The following MIER3 variants were observed in gnomAD, a reference collection of about 807,000 sequenced individuals.
MIER3 encodes MIER family member 3.
Under a neutral mutation model 63.2 loss-of-function variants are expected in MIER3, and 9 were observed. The observed-to-expected ratio is 0.14, with a 90% CI of 0.09 to 0.25. The LOEUF is 0.25. Among genes scored for constraint, MIER3 ranks in the 10% least tolerant of loss-of-function variants. The pLI is 1.00. For synonymous variants in MIER3, 205 were observed against 224.9 expected (o/e 0.91, Z 0.79); for missense variants, 512 against 666.2 (o/e 0.77, Z 2.55).
chr5:56,922,993 A>G lies in MIER3; in HGVS notation c.*135T>C, dbSNP rs1749744621. 7 of 660,308 alleles carry G rather than the reference A, an allele frequency of 1.1e-5. No individual in the cohort carries two copies. Among genetic ancestry groups the G allele is most frequent in the Non-Finnish European group, 1.8e-5 (7 of 389,894 alleles). The allele number at this position is 660,308 out of a possible 1,614,324, so 40.9% of individuals were successfully genotyped here. ...GAAAATACTCTTGATAAATCAAGAT[A>G]TAGTTCTATACATACTGACATCACT... On this transcript the variant is annotated 3_prime_UTR_variant, in exon 13 of 13. Coordinates refer to ENST00000381199, the MANE Select transcript of MIER3 (RefSeq NM_001297599.2).
intron 10 of MIER3, chr5:56,928,499 G>A (rs1750111161): frequency 4.0e-6 from 1 of 249,164 alleles, no homozygotes; most frequent in African/African-American, 2.2e-5. Flanking sequence ...GAAAGTCAAG[G>A]AGAAATGAGA....
upstream of MIER3, chr5:56,952,202 GCACC>G: frequency 9.8e-7 from 1 of 1,023,846 alleles, no homozygotes; most frequent in Non-Finnish European, 1.2e-6. Context: ...GGTCCGCCCG[GCACC>G]CGCCCGGCGG....
At position 56,935,715 on chromosome 5, in the gene MIER3, A is replaced by G. The variant is rs1750419686; in HGVS notation, c.473T>C (p.Val158Ala). ...TACDGDKESE[V>A]EDVETDSGNS... The stretch of plus-strand genomic sequence containing the variant: ...ACCACTGTCTGTTTCAACATCTTCA[A>G]CCTCTGATTCCTTATCACCATCACA... Residue 158 changes from valine (V) to alanine (A), a missense_variant, in exon 6 of 13, where the codon GTT becomes GCT. This residue lies in a region of MIER3 where 44 missense variants were observed against 87.6 expected (regional missense o/e 0.50). Coordinates refer to ENST00000381199, the MANE Select transcript of MIER3 (RefSeq NM_001297599.2). 1.2e-5 allele frequency: 19 copies of G among 1,614,092 alleles called. No homozygotes were observed. The highest frequency in any genetic ancestry group is 1.7e-5 in the Admixed American group (1 of 60,016).
intron 3 of MIER3, chr5:56,941,352 A>ACT: frequency 2.5e-5 from 4 of 161,058 alleles, no homozygotes; most frequent in Non-Finnish European, 2.6e-5. Context: ...CAATACACAA[A>ACT]TATAGGGCTG....
chr5:56,950,296 A>G (rs1426906911), intron 2 of MIER3, among the ~76,000 whole-genome samples: 1 of 152,246 alleles, frequency 6.6e-6, no homozygotes, highest in Non-Finnish European at 1.5e-5. Context: ...CGAAGTTAAA[A>G]TCTAAATTGC....
At chr5:56,942,581 G>C (rs1046902782) in intron 3 of MIER3, among the ~76,000 whole-genome samples, 2 of 152,172 alleles carry the variant, frequency 1.3e-5, no homozygotes, top group Admixed American at 1.3e-4. Context: ...AAAGCAGTGG[G>C]TTTGAGTGAG....
intron 3 of MIER3, among the ~76,000 whole-genome samples, chr5:56,945,825 C>T (rs976980223): frequency 6.6e-5 from 10 of 152,130 alleles, no homozygotes; most frequent in African/African-American, 2.2e-4. Context: ...ATCCCTATTC[C>T]ACTAAAAAAG....
chr5:56,935,890 T>C, intron 5 of MIER3, 139 bp from the exon 6 acceptor site: 1 of 658,104 alleles, frequency 1.5e-6, no homozygotes, highest in Non-Finnish European at 2.6e-6. Context: ...TTTCTCACAA[T>C]CGACATTGGT....
intron 4 of MIER3, chr5:56,938,423 C>A (rs1180274903): frequency 6.4e-6 from 3 of 468,308 alleles, no homozygotes; most frequent in Non-Finnish European, 1.3e-5. Context: ...TAGGCCTCCC[C>A]ACAACCAGCC....
At chr5:56,925,116 GT>G (rs887962908) in intron 10 of MIER3, among the ~76,000 whole-genome samples, 12 of 151,786 alleles carry the variant, frequency 7.9e-5, no homozygotes, top group Admixed American at 2.0e-4. Flanking sequence ...AAAACTGATG[GT>G]TTTTTTTACT....
Position 56,922,905 on chromosome 5 carries a change from G to T in MIER3, c.*223C>A. 1.9e-6 allele frequency: 1 copy of T among 538,010 alleles called. No individual in the cohort carries two copies. Among genetic ancestry groups the T allele is most frequent in the Non-Finnish European group, 3.3e-6 (1 of 300,000 alleles). 33.3% of individuals were successfully genotyped at this position (538,010 alleles called of 1,614,324 possible). ...GCAGAGCTTAAAGCTGCACCACAGA[G>T]TTCAATCTTAGTTCCCAACTCTGCT... On this transcript the variant is annotated 3_prime_UTR_variant, in exon 13 of 13. Transcript: ENST00000381199.
intron 10 of MIER3, among the ~76,000 whole-genome samples, chr5:56,926,297 T>C (rs1414206522): frequency 6.6e-6 from 1 of 151,870 alleles, no homozygotes; most frequent in African/African-American, 2.4e-5. Flanking sequence ...GGCAAGGGAA[T>C]AAAAAGACAA....
rs1379405610 is a variant in MIER3 at position 56,923,472 on chromosome 5, C to A, written c.1309G>T (p.Val437Leu). The change falls in exon 13 of 13, where the codon GTA becomes TTA. Residue 437 changes from valine (V) to leucine (L), a missense_variant. This residue lies in a region of MIER3 where 218 missense variants were observed against 251.2 expected (regional missense o/e 0.87). Transcript: ENST00000381199. The part of the protein sequence containing the change: ...PRGQVNHVPV[V>L]TEELLTLPSN... ...GGCAGGGTGAGTAACTCTTCTGTTA[C>A]AACAGGCACATGATTAACTTGTCCA... is the stretch of plus-strand genomic sequence containing the variant. 6.2e-7 allele frequency: 1 copy of A among 1,614,170 alleles called. No individual in the cohort carries two copies. Among genetic ancestry groups the A allele is most frequent in the East Asian group, 2.2e-5 (1 of 44,886 alleles).
At chr5:56,949,677 A>C (rs1451399275) in intron 2 of MIER3, among the ~76,000 whole-genome samples, 1 of 152,252 alleles carries the variant, frequency 6.6e-6, no homozygotes, top group Non-Finnish European at 1.5e-5. Flanking sequence ...TAGTGTAAGG[A>C]AACTGACTAT....
intron 3 of MIER3, among the ~76,000 whole-genome samples, chr5:56,941,813 A>C (rs1750655420): frequency 6.6e-6 from 1 of 152,188 alleles, no homozygotes; most frequent in Admixed American, 6.5e-5. Context: ...AAACCACTTA[A>C]AAAGCCTCAT....
chr5:56,945,526 C>T (rs932350266), intron 3 of MIER3, among the ~76,000 whole-genome samples: 17 of 152,108 alleles, frequency 1.1e-4, no homozygotes, highest in Admixed American at 9.2e-4. Flanking sequence ...CAGTAATATG[C>T]ATACATTAAA....
At chr5:56,951,629 CG>C (rs1315884876) in intron 1 of MIER3, among the ~76,000 whole-genome samples, 4 of 152,062 alleles carry the variant, frequency 2.6e-5, no homozygotes, top group African/African-American at 9.7e-5. Flanking sequence ...CCCGGTGGGC[CG>C]GGGGCACAGC....
rs1579850155 is a variant in MIER3 at position 56,935,288 on chromosome 5, G to A, written c.595+140C>T. 4 of 666,978 alleles carry A rather than the reference G, an allele frequency of 6.0e-6. No homozygotes were observed. In the East Asian group the frequency reaches 1.1e-4, roughly 18 times the overall value. 41.3% of individuals were successfully genotyped at this position (666,978 alleles called of 1,614,324 possible). On this transcript the variant is annotated intron_variant, in intron 7 of 12. Coordinates refer to ENST00000381199, the MANE Select transcript of MIER3 (RefSeq NM_001297599.2). ...ACTTTGATACATTTTTCCTAAGTCA[G>A]GCCTAAAAATCCTAACTCTGCATGT... is the stretch of plus-strand genomic sequence containing the variant.
At chr5:56,937,901 T>A (rs1325880949) in intron 4 of MIER3, among the ~76,000 whole-genome samples, 38 of 151,192 alleles carry the variant, frequency 2.5e-4, no homozygotes, top group Admixed American at 2.5e-3. Flanking sequence ...TAAATGATAA[T>A]CAGTGCAACC....
Sources: allele counts gnomAD v4.1 joint callset (sites outside exome capture counted in the v4.1 genomes callset), GRCh38; gene constraint gnomAD v4.1.1; regional missense constraint gnomAD v4.1.1; transcripts MANE v1.5; gene names NCBI Gene and HGNC (gene_info 2026-07-23, HGNC 2026-07-21).